The following KLHDC4 variants were observed in gnomAD, a reference collection of about 807,000 sequenced individuals.
KLHDC4 encodes the protein kelch domain containing 4, also known as kelch domain-containing protein 4.
KLHDC4 carries 90 observed loss-of-function variants against 62.4 expected under a neutral mutation model. That is an observed-to-expected ratio of 1.44 (90% confidence interval 1.22 to 1.72). The LOEUF (loss-of-function observed/expected upper bound fraction) is 1.72. KLHDC4 is among the 40% of genes most tolerant of loss of function. The pLI is 0.00. For synonymous variants in KLHDC4, 386 were observed against 284.4 expected (o/e 1.36, Z -3.59); for missense variants, 1,025 against 699.7 (o/e 1.47, Z -5.25).
At chr16:87,730,896 T>C (rs774490395) in intron 5 of KLHDC4, 1 of 371,322 alleles carries the variant, frequency 2.7e-6, no homozygotes, top group Non-Finnish European at 4.8e-6. Flanking sequence ...GCATAAAGAT[T>C]TCCTAGGTAG....
exon 1 of KLHDC4, chr16:87,701,139 C>T (rs887709001): frequency 6.1e-5 from 11 of 180,844 alleles, no homozygotes; most frequent in Admixed American, 3.5e-4. Flanking sequence ...GAATGCACAG[C>T]GCGTGGGGGG....
At chr16:87,764,135 G>C (rs1231521287) in intron 1 of KLHDC4, among the ~76,000 whole-genome samples, 1 of 152,236 alleles carries the variant, frequency 6.6e-6, no homozygotes, top group Non-Finnish European at 1.5e-5. Flanking sequence ...TACCACTCTT[G>C]TGATTAGGTT....
chr16:87,722,083 G>C (rs1383925390), intron 7 of KLHDC4, among the ~76,000 whole-genome samples: 1 of 152,186 alleles, frequency 6.6e-6, no homozygotes, highest in Admixed American at 6.5e-5. Flanking sequence ...TTTGACACGT[G>C]AATGTTGCTG....
chr16:87,762,062 A>C (rs2045971017), intron 1 of KLHDC4, 22 bp from the exon 2 acceptor site: 5 of 1,610,846 alleles, frequency 3.1e-6, no homozygotes, highest in Non-Finnish European at 4.2e-6. Flanking sequence ...AAGCAGGCAC[A>C]CGTGAGACTT....
rs78742117 is a variant in KLHDC4, at chr16:87,749,999, G to A, written c.370-1190C>T. The stretch of plus-strand genomic sequence containing the variant: ...GCACTCCGGCAGCAGGGGATGCTGA[G>A]GAGAGAGCAGACCACCAATCAAAAA... On this transcript the variant is annotated intron_variant, in intron 4 of 11. Coordinates refer to ENST00000270583, the MANE Select transcript of KLHDC4 (RefSeq NM_017566.4). Among the ~76,000 whole-genome samples the A allele has an allele frequency of 9.9e-5, 15 of 151,316 alleles. No homozygotes were observed. In the East Asian group the frequency reaches 2.5e-3, roughly 25 times the overall value.
intron 5 of KLHDC4, among the ~76,000 whole-genome samples, chr16:87,732,406 A>G (rs2040545506): frequency 6.6e-6 from 1 of 152,088 alleles, no homozygotes; most frequent in Non-Finnish European, 1.5e-5. Flanking sequence ...AGGTGTGTAT[A>G]TTTCTTAACA....
chr16:87,718,945 TGCCCGGCCGCCCGGTCTGAGAAGTGAGGA>T (rs1339887960), intron 7 of KLHDC4, among the ~76,000 whole-genome samples: 2 of 150,912 alleles, frequency 1.3e-5, no homozygotes, highest in African/African-American at 4.9e-5. Context: ...GGAGCGTCTC[TGCCCGGCCGCCCGGTCTGAGAAGTGAGGA>T]GCCCCTCCGC....
At chr16:87,752,691 C>G (rs560566330) in intron 4 of KLHDC4, among the ~76,000 whole-genome samples, 1 of 152,152 alleles carries the variant, frequency 6.6e-6, no homozygotes, top group Non-Finnish European at 1.5e-5. Flanking sequence ...AGGCTTGACC[C>G]AGTCCGACCC....
At chr16:87,741,610 C>G (rs1230659187) in intron 5 of KLHDC4, among the ~76,000 whole-genome samples, 2 of 149,346 alleles carry the variant, frequency 1.3e-5, no homozygotes, top group Non-Finnish European at 3.0e-5. Context: ...TCCCTGGTGC[C>G]GAAAAGGGTG....
chr16:87,713,301 G>A (rs1215883876), intron 8 of KLHDC4, among the ~76,000 whole-genome samples: 2 of 151,942 alleles, frequency 1.3e-5, no homozygotes, highest in Admixed American at 6.6e-5. Flanking sequence ...CGAGGTTCAC[G>A]CCATTCTCCT....
At chr16:87,717,124 C>G (rs751551062) in intron 7 of KLHDC4, among the ~76,000 whole-genome samples, 16 of 151,408 alleles carry the variant, frequency 1.1e-4, no homozygotes, top group Non-Finnish European at 1.8e-4. Context: ...TCAGCTACTC[C>G]CAACGCTGAG....
Position 87,759,939 on chromosome 16 carries a change from G to A in KLHDC4, c.191+2010C>T, listed in dbSNP as rs572698103. 5.9e-5 allele frequency among the ~76,000 whole-genome samples: 9 copies of A among 152,270 alleles called. No individual in the cohort carries two copies. In the South Asian group the frequency reaches 1.9e-3, roughly 32 times the overall value. On this transcript the variant is annotated intron_variant, in intron 2 of 11. Coordinates refer to ENST00000270583, the MANE Select transcript of KLHDC4 (RefSeq NM_017566.4). Reference sequence around the variant, plus strand: ...CCGCACAGGCAGGTGAGGTACTGAGGCAGCTGGTGTCATGCCCCCATTTTC... The same window carrying A: ...CCGCACAGGCAGGTGAGGTACTGAGACAGCTGGTGTCATGCCCCCATTTTC...
intron 6 of KLHDC4, chr16:87,729,177 A>C (rs1021113745): frequency 1.3e-5 from 2 of 152,190 alleles, no homozygotes; most frequent in Admixed American, 6.5e-5. Flanking sequence ...AAAATTAATG[A>C]GACTATATCA....
At chr16:87,740,710 A>G (rs1323705702) in intron 5 of KLHDC4, 2 of 152,236 alleles carry the variant, frequency 1.3e-5, no homozygotes, top group Non-Finnish European at 2.9e-5. Context: ...ATGCGAGGGA[A>G]AAGGGGAGTC....
intron 8 of KLHDC4, 37 bp from the exon 9 acceptor site, chr16:87,711,480 A>C: frequency 6.4e-7 from 1 of 1,561,608 alleles, no homozygotes; most frequent in Non-Finnish European, 8.7e-7. Context: ...ATAAGAACAC[A>C]AGGAAGGACC....
At chr16:87,713,856 A>C (rs1284061081) in intron 8 of KLHDC4, among the ~76,000 whole-genome samples, 2 of 152,176 alleles carry the variant, frequency 1.3e-5, no homozygotes, top group African/African-American at 4.8e-5. Context: ...GAAAATTTTG[A>C]TTCTTAGATC....
intron 7 of KLHDC4, among the ~76,000 whole-genome samples, chr16:87,719,999 T>A (rs1170208060): frequency 1.3e-5 from 2 of 152,146 alleles, no homozygotes; most frequent in African/African-American, 4.8e-5. Flanking sequence ...CATCCCCTGA[T>A]GAGACCCCAC....
rs1014901833 is a variant in KLHDC4 at position 87,709,637 on chromosome 16, G to A, written c.1075C>T (p.Arg359Trp). 8.1e-6 allele frequency: 13 copies of A among 1,605,336 alleles called. No individual in the cohort carries two copies. The highest frequency in any genetic ancestry group is 2.7e-5 in the African/African-American group (2 of 74,772). ...CCTTCGGGCTCCTCTTTTCTGCCCCGCCTGCGTTTCTTCTTTTCAGACTTG... is the reference window on the plus strand; with the variant it reads ...CCTTCGGGCTCCTCTTTTCTGCCCCACCTGCGTTTCTTCTTTTCAGACTTG... ...GPKSEKKKRR[R>W]GRKEEPEGGS... The change falls in exon 10 of 12, where the codon CGG (arginine) becomes TGG (tryptophan). Residue 359 changes from arginine (R) to tryptophan (W), a missense_variant. Arg to Trp is a moderately radical substitution (Grantham distance 101). Coordinates refer to ENST00000270583, the MANE Select transcript of KLHDC4 (RefSeq NM_017566.4).
intron 1 of KLHDC4, 41 bp downstream of exon 1, chr16:87,765,751 G>A: frequency 1.3e-6 from 2 of 1,536,208 alleles, no homozygotes; most frequent in Non-Finnish European, 1.8e-6. Context: ...AGGCTGCACG[G>A]CCGCGACGTC....
Sources: gnomAD v4.1 joint callset for allele counts (sites outside exome capture counted in the v4.1 genomes callset) on GRCh38, gnomAD v4.1.1 for gene constraint, MANE v1.5 for transcripts, NCBI Gene and HGNC (gene_info 2026-07-23, HGNC 2026-07-21) for gene names.